The following SUCLG2 variants were observed in gnomAD, a reference collection of about 807,000 sequenced individuals.
SUCLG2 encodes the protein succinate-CoA ligase GDP-forming subunit beta, also known as succinate--CoA ligase [GDP-forming] subunit beta, mitochondrial.
A neutral mutation model predicts 47.9 loss-of-function variants in SUCLG2; 42 were observed. That is an observed-to-expected ratio of 0.88 (90% CI 0.69 to 1.14). The LOEUF is 1.14. Among genes scored for constraint, SUCLG2 ranks in the 50% most tolerant of loss-of-function variants. The pLI is 0.00. For missense variants in SUCLG2, 571 were observed against 525.9 expected (o/e 1.09, Z -0.84); for synonymous variants, 195 against 197.3 (o/e 0.99, Z 0.10).
intron 9 of SUCLG2, among the ~76,000 whole-genome samples, chr3:67,414,175 G>GTA (rs1489371617): frequency 6.6e-6 from 1 of 152,126 alleles, no homozygotes. Flanking sequence ...TTTGTCTTGA[G>GTA]TAGGTGATGC....
chr3:67,642,346 C>T lies in SUCLG2; in HGVS notation c.84+12157G>A, dbSNP rs535406025. On this transcript the variant is annotated intron_variant, in intron 1 of 10. Coordinates refer to ENST00000307227, the MANE Select transcript of SUCLG2 (RefSeq NM_003848.4). ...GTAGCTAGGCATGGTGGCTCACACC[C>T]GTAATCTCAGCACTTTAGGAGGCTG... Among the ~76,000 whole-genome samples the T allele has an allele frequency of 3.5e-3, 537 of 152,094 alleles. 3 individuals carry two copies. Among genetic ancestry groups the T allele is most frequent in the Non-Finnish European group, 5.0e-3 (338 of 67,986 alleles).
intron 10 of SUCLG2, among the ~76,000 whole-genome samples, chr3:67,383,206 T>G (rs994443561): frequency 2.0e-5 from 3 of 152,198 alleles, no homozygotes; most frequent in African/African-American, 7.2e-5. Context: ...ATAATAAGGA[T>G]AGCTAACATT....
At chr3:67,566,768 T>C (rs1410805029) in intron 2 of SUCLG2, among the ~76,000 whole-genome samples, 2 of 152,318 alleles carry the variant, frequency 1.3e-5, no homozygotes, top group African/African-American at 2.4e-5. Flanking sequence ...AATTACACTT[T>C]TAAGAAATTT....
chr3:67,432,363 A>G (rs1703507434), intron 9 of SUCLG2, among the ~76,000 whole-genome samples: 1 of 152,222 alleles, frequency 6.6e-6, no homozygotes, highest in Admixed American at 6.5e-5. Context: ...CTAGGACAGT[A>G]CTAGAGGTGA....
At chr3:67,583,398 T>A (rs1707931825) in intron 2 of SUCLG2, among the ~76,000 whole-genome samples, 1 of 152,200 alleles carries the variant, frequency 6.6e-6, no homozygotes, top group Admixed American at 6.5e-5. Flanking sequence ...AAATATCATG[T>A]CACCTTGAGC....
chr3:67,429,479 C>G (rs1446949498), intron 9 of SUCLG2, among the ~76,000 whole-genome samples: 1 of 152,170 alleles, frequency 6.6e-6, no homozygotes, highest in Non-Finnish European at 1.5e-5. Context: ...TAACCGGTAC[C>G]AGCCACTGCA....
rs1173072361 is a variant in SUCLG2 at position 67,518,329 on chromosome 3, A to G, written c.578T>C (p.Ile193Thr). The G allele has an allele frequency of 2.5e-6, 4 of 1,608,456 alleles. No homozygotes were observed. Among genetic ancestry groups the G allele is most frequent in the Non-Finnish European group, 3.4e-6 (4 of 1,176,552 alleles). The change falls in exon 6 of 11, where the codon ATT becomes ACT. Residue 193 changes from isoleucine (I) to threonine (T), a missense_variant. Coordinates refer to ENST00000307227, the MANE Select transcript of SUCLG2 (RefSeq NM_003848.4). Reference protein sequence around the residue: ...SNPELIFKEQIDIFEGIKDSQ... With the variant: ...SNPELIFKEQTDIFEGIKDSQ... ...GTCCTTTATTCCTTCAAAAATGTCA[A>G]TTTGCTCCTAGTAAAAATAAATCAA...
intron 9 of SUCLG2, among the ~76,000 whole-genome samples, chr3:67,475,186 G>A (rs1333626626): frequency 6.6e-6 from 1 of 152,172 alleles, no homozygotes; most frequent in Admixed American, 6.5e-5. Flanking sequence ...TCCTGACACT[G>A]TAGGAGAATG....
intron 9 of SUCLG2, among the ~76,000 whole-genome samples, chr3:67,427,095 G>GT (rs1456022510): frequency 1.3e-5 from 2 of 152,100 alleles, no homozygotes; most frequent in African/African-American, 2.4e-5. Context: ...TGAAAGAACG[G>GT]TTTTTTTGCT....
chr3:67,616,155 T>G (rs1700624902), intron 1 of SUCLG2, among the ~76,000 whole-genome samples: 1 of 152,036 alleles, frequency 6.6e-6, no homozygotes, highest in Non-Finnish European at 1.5e-5. Flanking sequence ...GAGATTAGGC[T>G]GGATTATAAG....
intron 10 of SUCLG2, among the ~76,000 whole-genome samples, chr3:67,397,802 G>A (rs1263249752): frequency 6.6e-6 from 1 of 152,100 alleles, no homozygotes; most frequent in Admixed American, 6.5e-5. Context: ...AAACAGCATG[G>A]TACTGGTACC....
Position 67,535,075 on chromosome 3 carries a change from T to C in SUCLG2, c.227-5889A>G, listed in dbSNP as rs551310723. ...TTTCAAGAGGTGCTGGAAACAGTCA[T>C]GGAAGATGAAAAGCATTTATGAAAG... On this transcript the variant is annotated intron_variant, in intron 2 of 10. Transcript: ENST00000307227. Among the ~76,000 whole-genome samples the C allele has an allele frequency of 1.6e-4, 24 of 152,210 alleles. 1 individual carries two copies. The South Asian group carries it at 5.0e-3, about 32-fold the overall frequency.
chr3:67,367,643 T>A (rs912515296), intron 10 of SUCLG2, among the ~76,000 whole-genome samples: 7 of 152,192 alleles, frequency 4.6e-5, no homozygotes, highest in Admixed American at 4.6e-4. Context: ...TTCAGCAGCA[T>A]CCTTGGCCTC....
intron 2 of SUCLG2, among the ~76,000 whole-genome samples, chr3:67,557,569 AC>A (rs1559570988): frequency 4.6e-5 from 7 of 152,166 alleles, no homozygotes; most frequent in East Asian, 3.9e-4. Flanking sequence ...ATTTGAACTT[AC>A]TTTATTCTGT....
chr3:67,526,478 A>G (rs1003230033), intron 4 of SUCLG2, among the ~76,000 whole-genome samples: 2 of 152,180 alleles, frequency 1.3e-5, no homozygotes, highest in African/African-American at 4.8e-5. Context: ...CTCTTAATGC[A>G]AACCACAATG....
chr3:67,563,838 G>A (rs747040335), intron 2 of SUCLG2, among the ~76,000 whole-genome samples: 6 of 151,672 alleles, frequency 4.0e-5, no homozygotes, highest in Non-Finnish European at 7.4e-5. Flanking sequence ...GCAGGTGCCC[G>A]TAGTCCCAGC....
chr3:67,393,674 TCTCCTGGCA>T (rs1490126603), intron 10 of SUCLG2, among the ~76,000 whole-genome samples: 4 of 152,182 alleles, frequency 2.6e-5, no homozygotes, highest in Non-Finnish European at 5.9e-5. Flanking sequence ...GAGCAGTGGT[TCTCCTGGCA>T]CGCAGCTGGA....
chr3:67,440,111 A>G (rs1206762687), intron 9 of SUCLG2, among the ~76,000 whole-genome samples: 2 of 152,190 alleles, frequency 1.3e-5, no homozygotes, highest in Non-Finnish European at 2.9e-5. Context: ...GACAAACCTG[A>G]CAAAAACAAG....
chr3:67,403,232 T>C (rs972876945), intron 9 of SUCLG2, among the ~76,000 whole-genome samples: 2 of 152,180 alleles, frequency 1.3e-5, no homozygotes, highest in Admixed American at 6.5e-5. Context: ...TACTGAGAAA[T>C]GAATAGCTGT....
Sources: gnomAD v4.1 joint callset for allele counts (sites outside exome capture counted in the v4.1 genomes callset) on GRCh38, gnomAD v4.1.1 for gene constraint, MANE v1.5 for transcripts, NCBI Gene and HGNC (gene_info 2026-07-23, HGNC 2026-07-21) for gene names.